The following CHI3L1 variants were observed in gnomAD, a reference collection of about 807,000 sequenced individuals.
CHI3L1 encodes chitinase 3 like 1.
Under a neutral mutation model 40.7 loss-of-function variants are expected in CHI3L1, and 30 were observed. The observed-to-expected ratio is 0.74, with a 90% CI of 0.55 to 1.00. CHI3L1 has a LOEUF of 1.00. Among genes scored for constraint, CHI3L1 ranks in the 50% least tolerant of loss-of-function variants. The probability of loss-of-function intolerance (pLI) is 0.00; values close to 1 mark genes in which losing one functional copy is unlikely to be tolerated. For missense variants in CHI3L1, 493 were observed against 492.2 expected (o/e 1.00, Z -0.01); for synonymous variants, 210 against 192.1 (o/e 1.09, Z -0.77).
Position 203,179,281 on chromosome 1 carries a change from G to T in CHI3L1, c.*164C>A, listed in dbSNP as rs1315541268. Reference sequence around the variant, plus strand: ...CATCCCTACCTCTCTGCCCACCAGGGCTGAGCTCAAATCTGTGTGTTGTGG... The same window carrying T: ...CATCCCTACCTCTCTGCCCACCAGGTCTGAGCTCAAATCTGTGTGTTGTGG... On this transcript the variant is annotated 3_prime_UTR_variant, in exon 10 of 10. Transcript: ENST00000255409. 2 of 588,900 alleles carry T rather than the reference G, an allele frequency of 3.4e-6. No homozygotes were observed. Among genetic ancestry groups the T allele is most frequent in the East Asian group, 5.4e-5 (2 of 37,096 alleles). 36.5% of individuals were successfully genotyped at this position (588,900 alleles called of 1,614,324 possible). A position where few individuals can be genotyped will look rare whatever the true frequency, so the allele number is the denominator to read the frequency against.
chr1:203,182,691 G>T, intron 6 of CHI3L1, 40 bp downstream of exon 6: 1 of 1,612,620 alleles, frequency 6.2e-7, no homozygotes, highest in Non-Finnish European at 8.5e-7. Flanking sequence ...AGGAGTGTTG[G>T]CAGAGGTTCT....
Position 203,179,925 on chromosome 1 carries a change from C to T in CHI3L1, c.895-48G>A. The T allele has an allele frequency of 2.5e-6, 4 of 1,573,754 alleles. No homozygotes were observed. The South Asian group carries it at 3.4e-5, about 13-fold the overall frequency. ...GCAGTGTGGGGAGTCGTGCCGAGAC[C>T]TTGCAGGTCACCAGGAGACGCCACT... On this transcript the variant is annotated intron_variant, in intron 8 of 9. Coordinates refer to ENST00000255409, the MANE Select transcript of CHI3L1 (RefSeq NM_001276.4).
rs756504192 is a variant in CHI3L1, at chr1:203,182,815, C to A, written c.503G>T (p.Gly168Val). The A allele has an allele frequency of 6.2e-7, 1 of 1,614,134 alleles. No homozygotes were observed. The highest frequency in any genetic ancestry group is 8.5e-7 in the Non-Finnish European group (1 of 1,179,996). ...KAEFIKEAQPGKKQLLLSAAL... is the reference protein window; with the variant it reads ...KAEFIKEAQPVKKQLLLSAAL... ...TGCGCTGAGCAGGAGCTGCTTTTTC[C>A]CTGGCTGGGCTTCCTTTATAAATTC... Residue 168 changes from glycine to valine, a missense_variant, in exon 6 of 10, where the codon GGG becomes GTG. Transcript: ENST00000255409.
chr1:203,184,581 A>G lies in CHI3L1; in HGVS notation c.309T>C (p.Ser103=). ...CCCTGGGGAGAGGCTCCTACCTTTG[A>G]GACCCAAAGTTCCATCCTCCGACAG... ...LLSVGGWNFG[S]QRFSKIASNT... is the part of the protein sequence containing the mutation. The change falls in exon 4 of 10, where the codon TCT becomes TCC. Residue 103 remains serine (S), a synonymous_variant. Transcript: ENST00000255409. The G allele has an allele frequency of 6.2e-7, 1 of 1,613,784 alleles. No homozygotes were observed. Among genetic ancestry groups the G allele is most frequent in the South Asian group, 1.1e-5 (1 of 91,072 alleles).
chr1:203,183,747 A>G lies in CHI3L1; in HGVS notation c.359T>C (p.Ile120Thr). The G allele has an allele frequency of 6.2e-7, 1 of 1,614,132 alleles. No individual in the cohort carries two copies. The highest frequency in any genetic ancestry group is 1.1e-5 in the South Asian group (1 of 91,082). ...ASNTQSRRTF[I>T]KSVPPFLRTH... ...GCGCAGAAATGGCGGTACTGACTTGATGAAAGTCCGGCGACTCTGGGTGTT... is the reference window on the plus strand; with the variant it reads ...GCGCAGAAATGGCGGTACTGACTTGGTGAAAGTCCGGCGACTCTGGGTGTT... Residue 120 changes from isoleucine (I) to threonine (T), a missense_variant, in exon 5 of 10, where the codon ATC (isoleucine) becomes ACC (threonine). Physicochemically the swap from Ile to Thr is moderately conservative, Grantham distance 89 (BLOSUM62 -1). Coordinates refer to ENST00000255409, the MANE Select transcript of CHI3L1 (RefSeq NM_001276.4).
At chr1:203,186,375 C>T (rs932826591) in intron 1 of CHI3L1, 30 bp from the exon 2 acceptor site, 7 of 1,581,288 alleles carry the variant, frequency 4.4e-6, no homozygotes, top group Non-Finnish European at 5.2e-6. Context: ...GAGACCCCTG[C>T]AAGTGCATCC....
At chr1:203,180,026 C>T (rs2071580) in intron 8 of CHI3L1, 149 bp from the exon 9 acceptor site, 21,528 of 685,928 alleles carry the variant, frequency 0.031, 740 homozygotes, top group East Asian at 0.14. Context: ...ATGCATCACA[C>T]AAGTTTATAC....
At chr1:203,183,390 A>G (rs897866649) in intron 5 of CHI3L1, among the ~76,000 whole-genome samples, 1 of 152,158 alleles carries the variant, frequency 6.6e-6, no homozygotes, top group African/African-American at 2.4e-5. Context: ...CTAAGTGGGT[A>G]GTTATAAGTG....
rs112567571 is a variant in CHI3L1 at position 203,179,552 on chromosome 1, C to T, written c.1045G>A (p.Ala349Thr). Residue 349 changes from alanine to threonine, a missense_variant, in exon 10 of 10, where the codon GCC becomes ACC. Ala to Thr is a moderately conservative substitution (Grantham distance 58). Coordinates refer to ENST00000255409, the MANE Select transcript of CHI3L1 (RefSeq NM_001276.4). The part of the protein sequence containing the change: ...QYLKDRQLAG[A>T]MVWALDLDDF... ...TCCAGGTCCAGGGCCCATACCATGG[C>T]GCCCGCCAGCTGCCTGTCCTTCAGG... The T allele has an allele frequency of 6.0e-5, 97 of 1,608,302 alleles. 2 individuals are homozygous for T. The African/African-American group carries it at 7.1e-4, about 12-fold the overall frequency.
In CHI3L1 at chr1:203,180,656, G is replaced by T. The variant is rs780960257; in HGVS notation, c.712-4C>A. 23 of 1,564,808 alleles carry T rather than the reference G, an allele frequency of 1.5e-5. No individual in the cohort carries two copies. The South Asian group carries it at 2.6e-4, about 17-fold the overall frequency. On this transcript the variant is annotated splice_polypyrimidine_tract_variant and splice_region_variant and intron_variant, in intron 7 of 9. Transcript: ENST00000255409. ...ACATGTACCCCACAGCATAGTCCTG[G>T]GTGGGGTAGGGTGGGAACAACGTGA... is the stretch of plus-strand genomic sequence containing the variant.
chr1:203,179,552 C>G lies in CHI3L1; in HGVS notation c.1045G>C (p.Ala349Pro), dbSNP rs112567571. Residue 349 changes from alanine to proline, a missense_variant, in exon 10 of 10, where the codon GCC becomes CCC. Physicochemically the swap from Ala to Pro is conservative, Grantham distance 27. Transcript: ENST00000255409. ...TCCAGGTCCAGGGCCCATACCATGG[C>G]GCCCGCCAGCTGCCTGTCCTTCAGG... ...QYLKDRQLAGAMVWALDLDDF... is the reference protein window; with the variant it reads ...QYLKDRQLAGPMVWALDLDDF... 2 of 1,608,186 alleles carry G rather than the reference C, an allele frequency of 1.2e-6. No individual in the cohort carries two copies. The highest frequency in any genetic ancestry group is 1.1e-5 in the South Asian group (1 of 90,958).
rs1655872601 is a variant in CHI3L1 at position 203,179,200 on chromosome 1, C to A, written c.*245G>T. 8.1e-6 allele frequency: 3 copies of A among 370,416 alleles called. No homozygotes were observed. In the East Asian group the frequency reaches 1.2e-4, roughly 15 times the overall value. The allele number at this position is 370,416 out of a possible 1,614,324, so 22.9% of individuals were successfully genotyped here. ...ATCTGTAAACATTTCCATTAATCAA[C>A]AAGTGTGTACTAATCCCGAGTCTTA... is the stretch of plus-strand genomic sequence containing the variant. On this transcript the variant is annotated 3_prime_UTR_variant, in exon 10 of 10. Transcript: ENST00000255409.
chr1:203,185,120 G>A lies in CHI3L1; in HGVS notation c.257+64C>T. On this transcript the variant is annotated intron_variant, in intron 3 of 9. Transcript: ENST00000255409. ...TGGGGCCTCGCCCTTCCTCCTGGGT[G>A]GGGTTGCCCTGCCCTGGGACCAGCC... The A allele has an allele frequency of 3.6e-6, 5 of 1,405,682 alleles. No homozygotes were observed. In the South Asian group the frequency reaches 5.8e-5, roughly 16 times the overall value. 87.1% of individuals were successfully genotyped at this position (1,405,682 alleles called of 1,614,324 possible).
Position 203,183,732 on chromosome 1 carries a change from G to A in CHI3L1, c.374C>T (p.Pro125Leu), listed in dbSNP as rs140857184. The change falls in exon 5 of 10, where the codon CCA becomes CTA. Residue 125 changes from proline to leucine, a missense_variant. By Grantham distance (98) the Pro-to-Leu change is moderately conservative (BLOSUM62 -3). Coordinates refer to ENST00000255409, the MANE Select transcript of CHI3L1 (RefSeq NM_001276.4). Reference sequence around the variant, plus strand: ...ATCAAAGCCATGGGTGCGCAGAAATGGCGGTACTGACTTGATGAAAGTCCG... The same window carrying A: ...ATCAAAGCCATGGGTGCGCAGAAATAGCGGTACTGACTTGATGAAAGTCCG... ...SRRTFIKSVPPFLRTHGFDGL... is the reference protein window; with the variant it reads ...SRRTFIKSVPLFLRTHGFDGL... 1.1e-3 allele frequency: 1,791 copies of A among 1,614,194 alleles called. 23 individuals carry two copies. The East Asian group carries it at 0.025, about 23-fold the overall frequency.
chr1:203,179,997 T>C (rs1655900540), intron 8 of CHI3L1, 120 bp from the exon 9 acceptor site: 2 of 840,932 alleles, frequency 2.4e-6, no homozygotes, highest in East Asian at 2.6e-5. Context: ...CCTCACTCTC[T>C]GCAGGGTCTG....
chr1:203,181,454 C>G (rs1375104438), intron 6 of CHI3L1, 169 bp from the exon 7 acceptor site: 2 of 554,074 alleles, frequency 3.6e-6, no homozygotes, highest in Non-Finnish European at 6.0e-6. Flanking sequence ...AACCCCGTCT[C>G]TACTCTAACT....
rs1486653761 is a variant in CHI3L1 at position 203,186,343 on chromosome 1, A to G, written c.28T>C (p.Phe10Leu). 1 of 1,591,654 alleles carries G rather than the reference A, an allele frequency of 6.3e-7. No homozygotes were observed. Among genetic ancestry groups the G allele is most frequent in the East Asian group, 2.3e-5 (1 of 43,828 alleles). Residue 10 changes from phenylalanine (F) to leucine (L), a missense_variant and splice_region_variant, in exon 2 of 10, where the codon TTT (phenylalanine) becomes CTT (leucine). Coordinates refer to ENST00000255409, the MANE Select transcript of CHI3L1 (RefSeq NM_001276.4). MGVKASQTG[F>L]VVLVLLQCCS... The stretch of plus-strand genomic sequence containing the variant: ...CACTGGAGCAGCACCAGGACCACAA[A>G]GCCTGAAGAGAAATCCAGGATGAGA...
At chr1:203,184,762 C>A in intron 3 of CHI3L1, 130 bp from the exon 4 acceptor site, 1 of 726,914 alleles carries the variant, frequency 1.4e-6, no homozygotes, top group East Asian at 2.6e-5. Context: ...CCGCTGATGT[C>A]CTCCCATAGG....
rs1558147523 is a variant in CHI3L1, at chr1:203,179,867, A to G, written c.905T>C (p.Phe302Ser). ...TCTATGGACTGTGGCTCCGCGGAGG[A>G]AGTCACAGATCTGAGCAGATAACAG... Reference protein sequence around the residue: ...GTLAYYEICDFLRGATVHRIL... With the variant: ...GTLAYYEICDSLRGATVHRIL... Residue 302 changes from phenylalanine (F) to serine (S), a missense_variant, in exon 9 of 10, where the codon TTC becomes TCC. Coordinates refer to ENST00000255409, the MANE Select transcript of CHI3L1 (RefSeq NM_001276.4). 4 of 1,614,022 alleles carry G rather than the reference A, an allele frequency of 2.5e-6. No homozygotes were observed. Among genetic ancestry groups the G allele is most frequent in the South Asian group, 2.2e-5 (2 of 91,072 alleles).
Sources: gnomAD v4.1 joint callset for allele counts (sites outside exome capture counted in the v4.1 genomes callset) on GRCh38, gnomAD v4.1.1 for gene constraint, MANE v1.5 for transcripts, NCBI Gene and HGNC (gene_info 2026-07-23, HGNC 2026-07-21) for gene names.